The following BASP1 variants were observed in gnomAD, a reference collection of about 807,000 sequenced individuals.
BASP1 encodes the protein brain acid soluble protein 1.
In BASP1, 1 loss-of-function variant was observed where a neutral mutation model predicts 2.2. That is an observed-to-expected ratio of 0.46 (90% CI 0.16 to 2.17). The LOEUF is 2.17. Among genes scored for constraint, BASP1 ranks in the 30% most tolerant of loss-of-function variants. BASP1 has a pLI of 0.27. For synonymous variants in BASP1, 187 were observed against 154.2 expected (o/e 1.21, Z -1.58); for missense variants, 352 against 327.2 (o/e 1.08, Z -0.58).
chr5:17,262,621 TCA>T (rs1347210416), intron 1 of BASP1, among the ~76,000 whole-genome samples: 4 of 152,226 alleles, frequency 2.6e-5, no homozygotes, highest in Admixed American at 2.0e-4. Context: ...TTCTACTGTC[TCA>T]GACTCTACCT....
chr5:17,249,422 G>A (rs1353313968), intron 1 of BASP1, among the ~76,000 whole-genome samples: 1 of 152,156 alleles, frequency 6.6e-6, no homozygotes, highest in Non-Finnish European at 1.5e-5. Flanking sequence ...TTTGGGGCCA[G>A]CAAAAGTCTA....
chr5:17,249,271 T>A (rs1433326321), intron 1 of BASP1, among the ~76,000 whole-genome samples: 1 of 152,150 alleles, frequency 6.6e-6, no homozygotes, highest in East Asian at 1.9e-4. Context: ...GCAGCCTTCT[T>A]GCTTTCATCC....
chr5:17,223,024 CTT>C (rs60501183), intron 1 of BASP1, among the ~76,000 whole-genome samples: 1,519 of 148,064 alleles, frequency 0.01, 20 homozygotes, highest in Middle Eastern at 0.042. Flanking sequence ...TTTATAAACT[CTT>C]TTTTTTTTTG....
intron 1 of BASP1, among the ~76,000 whole-genome samples, chr5:17,262,175 G>A (rs140220246): frequency 5.3e-4 from 80 of 152,238 alleles, no homozygotes; most frequent in Non-Finnish European, 8.4e-4. Context: ...TAGATTTAGA[G>A]TCCATCTTTT....
At chr5:17,242,748 A>C (rs560349334) in intron 1 of BASP1, among the ~76,000 whole-genome samples, 1 of 152,210 alleles carries the variant, frequency 6.6e-6, no homozygotes, top group South Asian at 2.1e-4. Flanking sequence ...AACTTTAAAC[A>C]ACAGAAAATG....
intron 1 of BASP1, among the ~76,000 whole-genome samples, chr5:17,256,335 C>G (rs1276358471): frequency 1.3e-5 from 2 of 152,164 alleles, no homozygotes; most frequent in Non-Finnish European, 2.9e-5. Context: ...GGCTCTGCTA[C>G]CTTTGACCCT....
intron 1 of BASP1, among the ~76,000 whole-genome samples, chr5:17,250,428 T>A (rs1200055279): frequency 6.6e-6 from 1 of 152,198 alleles, no homozygotes; most frequent in East Asian, 1.9e-4. Context: ...TATTTATTTT[T>A]TACAGCATCA....
intron 1 of BASP1, among the ~76,000 whole-genome samples, chr5:17,234,867 G>A (rs1322304880): frequency 6.6e-6 from 1 of 152,150 alleles, no homozygotes; most frequent in Non-Finnish European, 1.5e-5. Context: ...TAAGCCATGT[G>A]AGATATTCCA....
chr5:17,221,117 G>A (rs1352916383), intron 1 of BASP1, among the ~76,000 whole-genome samples: 1 of 152,104 alleles, frequency 6.6e-6, no homozygotes, highest in Non-Finnish European at 1.5e-5. Context: ...CTTTGATACT[G>A]GTCTTTGGAA....
Position 17,275,299 on chromosome 5 carries a change from G to A in BASP1, c.83G>A (p.Gly28Asp), listed in dbSNP as rs746679667. ...AAGGAGAAAGACAAGAAGGCCGAGG[G>A]CGCGGCGACGGAAGAGGAGGGGACC... ...KAKEKDKKAEGAATEEEGTPK... is the reference protein window; with the variant it reads ...KAKEKDKKAEDAATEEEGTPK... The change falls in exon 2 of 2, where the codon GGC (glycine) becomes GAC (aspartate). Residue 28 changes from glycine to aspartate, a missense_variant. Gly to Asp is a moderately conservative substitution (Grantham distance 94). Coordinates refer to ENST00000322611, the MANE Select transcript of BASP1 (RefSeq NM_006317.5). This position sits in a 1 kb window ranked among gnomAD's most constrained non-coding sequence, Gnocchi z 5.3. 4.3e-6 allele frequency: 7 copies of A among 1,614,018 alleles called. No homozygotes were observed. The South Asian group carries it at 5.5e-5, about 13-fold the overall frequency.
chr5:17,261,298 C>T (rs1740311322), intron 1 of BASP1, among the ~76,000 whole-genome samples: 1 of 152,192 alleles, frequency 6.6e-6, no homozygotes, highest in East Asian at 1.9e-4. Context: ...GGTTGTTTCA[C>T]ACAATAAGAC....
intron 1 of BASP1, among the ~76,000 whole-genome samples, chr5:17,250,523 G>T (rs1561171825): frequency 2.0e-5 from 3 of 152,190 alleles, no homozygotes. Context: ...ATTGAGAAAA[G>T]TTTGTTTGAG....
At chr5:17,223,200 C>A (rs1485217672) in intron 1 of BASP1, among the ~76,000 whole-genome samples, 1 of 152,028 alleles carries the variant, frequency 6.6e-6, no homozygotes, top group Non-Finnish European at 1.5e-5. Flanking sequence ...AGCCACAGCA[C>A]CAGGTTCGAA....
At chr5:17,232,091 A>G (rs1381572178) in intron 1 of BASP1, among the ~76,000 whole-genome samples, 2 of 152,248 alleles carry the variant, frequency 1.3e-5, no homozygotes, top group Non-Finnish European at 2.9e-5. Context: ...CTGAGACATT[A>G]CAAGTAATGA....
intron 1 of BASP1, among the ~76,000 whole-genome samples, chr5:17,240,259 G>A (rs1425949159): frequency 1.3e-5 from 2 of 152,302 alleles, no homozygotes. Context: ...CTCTGGCCGG[G>A]CATGGTGGCT....
chr5:17,258,275 A>G (rs1254614838), intron 1 of BASP1, among the ~76,000 whole-genome samples: 1 of 152,186 alleles, frequency 6.6e-6, no homozygotes, highest in African/African-American at 2.4e-5. Flanking sequence ...TTAGCTTTGT[A>G]ACCAGCAGTA....
intron 1 of BASP1, among the ~76,000 whole-genome samples, chr5:17,242,764 A>G (rs1254413350): frequency 1.3e-5 from 2 of 151,772 alleles, no homozygotes; most frequent in African/African-American, 4.8e-5. Context: ...AAATGATGTT[A>G]TTTGTAACGG....
intron 1 of BASP1, among the ~76,000 whole-genome samples, chr5:17,229,580 C>T (rs1322769411): frequency 1.3e-5 from 2 of 152,074 alleles, no homozygotes; most frequent in Admixed American, 1.3e-4. Flanking sequence ...GACGAAAGCC[C>T]AGAGCAGGAG....
chr5:17,250,052 C>G (rs190344474), intron 1 of BASP1, among the ~76,000 whole-genome samples: 275 of 152,262 alleles, frequency 1.8e-3, no homozygotes, highest in Non-Finnish European at 3.0e-3. Flanking sequence ...AAGCAATTCT[C>G]GTGCCTCAGC....
Sources: allele counts gnomAD v4.1 joint callset (sites outside exome capture counted in the v4.1 genomes callset), GRCh38; gene constraint gnomAD v4.1.1; non-coding constraint Gnocchi (gnomAD v3.1); transcripts MANE v1.5; gene names NCBI Gene and HGNC (gene_info 2026-07-23, HGNC 2026-07-21).